Variants in CCDC60 observed in about 807,000 individuals in gnomAD.
The protein encoded by CCDC60 is coiled-coil domain containing 60.
In CCDC60, 54 loss-of-function variants were observed where a neutral mutation model predicts 63.5. The ratio of observed to expected loss-of-function variants is 0.85; its 90% CI spans 0.68 to 1.07. The LOEUF (loss-of-function observed/expected upper bound fraction) is 1.07. Ranked by LOEUF, CCDC60 falls within the 50% of genes least tolerant of loss-of-function variation. The probability of loss-of-function intolerance (pLI) is 0.00; values close to 1 mark genes in which losing one functional copy is unlikely to be tolerated. For missense variants in CCDC60, 651 were observed against 684.3 expected (o/e 0.95, Z 0.54); for synonymous variants, 206 against 238.8 (o/e 0.86, Z 1.27).
intron 13 of CCDC60, among the ~76,000 whole-genome samples, chr12:119,536,301 T>C (rs1010170682): frequency 1.2e-4 from 18 of 152,196 alleles, no homozygotes; most frequent in African/African-American, 4.3e-4. Flanking sequence ...TTTGAGCCTA[T>C]GTGTGTCTCT....
At chr12:119,344,140 G>A (rs940317812) in intron 1 of CCDC60, among the ~76,000 whole-genome samples, 3 of 152,134 alleles carry the variant, frequency 2.0e-5, no homozygotes, top group Admixed American at 2.0e-4. Context: ...CAGATAGGCT[G>A]TCCCTTGCAT....
At chr12:119,481,188 C>T (rs1593151118) in intron 4 of CCDC60, among the ~76,000 whole-genome samples, 1 of 152,190 alleles carries the variant, frequency 6.6e-6, no homozygotes, top group Non-Finnish European at 1.5e-5. Flanking sequence ...TGTCCCCCTA[C>T]CTCTCTTTGA....
chr12:119,352,262 C>T (rs1351154496), intron 1 of CCDC60, among the ~76,000 whole-genome samples: 4 of 152,216 alleles, frequency 2.6e-5, no homozygotes, highest in African/African-American at 9.6e-5. Context: ...ACCCCACCTC[C>T]AACACTGGGG....
rs1344240141 is a variant in CCDC60, at chr12:119,456,023, G to GA, written c.171-15968dup. On this transcript the variant is annotated intron_variant, in intron 2 of 13. Coordinates refer to ENST00000327554, the MANE Select transcript of CCDC60 (RefSeq NM_178499.5). This position sits in a 1 kb window ranked among gnomAD's most constrained non-coding sequence, Gnocchi z 4.6. ...AAAGAGAAAGAAAGAAAGAAAGAAA[G>GA]AAAGAAAGAAAGAAAGAAAGAAAGA... 7.7e-6 allele frequency among the ~76,000 whole-genome samples: 1 copy of GA among 129,656 alleles called. No homozygotes were observed. The highest frequency in any genetic ancestry group is 1.6e-5 in the Non-Finnish European group (1 of 61,674). 85.1% of individuals were successfully genotyped at this position (129,656 alleles called of 152,430 possible). A position where few individuals can be genotyped will look rare whatever the true frequency, so the allele number is the denominator to read the frequency against.
chr12:119,459,366 C>T (rs997566748), intron 2 of CCDC60, among the ~76,000 whole-genome samples: 5 of 152,196 alleles, frequency 3.3e-5, no homozygotes, highest in Admixed American at 2.0e-4. Flanking sequence ...AAAAATCTGA[C>T]ATAGGAAAAT....
chr12:119,457,717 G>A (rs569525948), intron 2 of CCDC60, among the ~76,000 whole-genome samples: 17 of 121,458 alleles, frequency 1.4e-4, no homozygotes, highest in Non-Finnish European at 2.6e-4. Flanking sequence ...GGTGGTTGGC[G>A]GGGGGGAGAA....
intron 8 of CCDC60, among the ~76,000 whole-genome samples, chr12:119,519,874 GTGTA>G (rs368155823): frequency 0.016 from 2,328 of 148,230 alleles, 16 homozygotes; most frequent in Non-Finnish European, 0.019. Flanking sequence ...GTGTGTGTGT[GTGTA>G]TACCTGTGTG....
chr12:119,481,129 C>T (rs1428843523), intron 4 of CCDC60, among the ~76,000 whole-genome samples: 2 of 151,972 alleles, frequency 1.3e-5, no homozygotes, highest in Non-Finnish European at 2.9e-5. Flanking sequence ...TTATCCCTCC[C>T]TAATATTTCA....
At chr12:119,353,992 T>C (rs1955689796) in intron 1 of CCDC60, among the ~76,000 whole-genome samples, 1 of 151,968 alleles carries the variant, frequency 6.6e-6, no homozygotes, top group East Asian at 1.9e-4. Context: ...TCTTGCTCTC[T>C]CTCCTCTGTC....
chr12:119,465,858 C>T (rs1205246022), intron 2 of CCDC60, among the ~76,000 whole-genome samples: 3 of 152,154 alleles, frequency 2.0e-5, no homozygotes, highest in Non-Finnish European at 4.4e-5. Context: ...CATGGCCACT[C>T]ATACTGGCAT....
At chr12:119,530,743 G>A (rs937012063) in intron 12 of CCDC60, 131 bp from the exon 13 acceptor site, 2 of 667,356 alleles carry the variant, frequency 3.0e-6, no homozygotes, top group African/African-American at 3.6e-5. Context: ...CAGAGGAAAG[G>A]TCCCTAGATA....
At chr12:119,534,940 T>C (rs985514822) in intron 13 of CCDC60, among the ~76,000 whole-genome samples, 1 of 152,184 alleles carries the variant, frequency 6.6e-6, no homozygotes, top group Non-Finnish European at 1.5e-5. Context: ...ATAAAATGAG[T>C]TGGGGAGGAT....
At chr12:119,461,068 G>T (rs989860839) in intron 2 of CCDC60, among the ~76,000 whole-genome samples, 27 of 151,990 alleles carry the variant, frequency 1.8e-4, no homozygotes, top group Non-Finnish European at 7.4e-5. Flanking sequence ...TCCGATCTCT[G>T]CTTGGCCACA....
intron 1 of CCDC60, among the ~76,000 whole-genome samples, chr12:119,411,400 G>A (rs566937558): frequency 1.8e-4 from 27 of 152,164 alleles, no homozygotes; most frequent in African/African-American, 6.5e-4. Flanking sequence ...AGCCAGCTTG[G>A]GGGTGAAAAG....
intron 5 of CCDC60, among the ~76,000 whole-genome samples, chr12:119,490,925 C>T (rs1566039170): frequency 6.6e-6 from 1 of 152,194 alleles, no homozygotes; most frequent in Non-Finnish European, 1.5e-5. Context: ...TTATGGAAAT[C>T]TTTCAAAAAA....
At chr12:119,360,084 G>A (rs1476541826) in intron 1 of CCDC60, among the ~76,000 whole-genome samples, 2 of 151,728 alleles carry the variant, frequency 1.3e-5, no homozygotes, top group African/African-American at 4.8e-5. Context: ...CGGGCAGAGG[G>A]GCTCCTCACT....
chr12:119,360,401 A>C (rs1302537792), intron 1 of CCDC60, among the ~76,000 whole-genome samples: 3 of 128,524 alleles, frequency 2.3e-5, no homozygotes, highest in African/African-American at 9.1e-5. Context: ...TGACCCCCCC[A>C]CCTCCCTCCC....
intron 10 of CCDC60, 86 bp downstream of exon 10, chr12:119,523,087 C>T: frequency 1.7e-6 from 2 of 1,178,648 alleles, no homozygotes; most frequent in East Asian, 4.7e-5. Flanking sequence ...TAGAAATGAC[C>T]CAATGCAGAC....
intron 1 of CCDC60, among the ~76,000 whole-genome samples, chr12:119,391,632 A>T (rs906038063): frequency 2.6e-5 from 4 of 152,254 alleles, no homozygotes; most frequent in African/African-American, 9.6e-5. Context: ...CTGCAGAGTA[A>T]TGTGCATGTC....
Sources: gnomAD v4.1 joint callset for allele counts (sites outside exome capture counted in the v4.1 genomes callset) on GRCh38, gnomAD v4.1.1 for gene constraint, Gnocchi (gnomAD v3.1) non-coding constraint, MANE v1.5 for transcripts, NCBI Gene and HGNC (gene_info 2026-07-23, HGNC 2026-07-21) for gene names.